Variants in TM4SF5 observed in about 807,000 individuals in gnomAD.
The protein encoded by TM4SF5 is transmembrane 4 L six family member 5.
Under a neutral mutation model 22.3 loss-of-function variants are expected in TM4SF5, and 16 were observed. The observed-to-expected ratio is 0.72, with a 90% confidence interval of 0.49 to 1.09. The LOEUF (loss-of-function observed/expected upper bound fraction) is 1.09. TM4SF5 is among the 50% of genes least tolerant of loss of function. TM4SF5 has a pLI of 0.00. For missense variants in TM4SF5, 249 were observed against 266.1 expected, an observed-to-expected ratio of 0.94 and a Z score of 0.45; for synonymous variants, 113 against 109.6, an observed-to-expected ratio of 1.03 and a Z score of -0.19.
At chr17:4,782,805 G>GGCGCAC (rs752756371) in intron 3 of TM4SF5, 49 bp from the exon 4 acceptor site, 2 of 1,584,460 alleles carry the variant, frequency 1.3e-6, no homozygotes, top group Non-Finnish European at 1.7e-6. Flanking sequence ...GGGGCGGGGT[G>GGCGCAC]GCGCACGCGC....
At chr17:4,782,441 T>TGAGCGTC in intron 2 of TM4SF5, 62 bp from the exon 3 acceptor site, 1 of 1,597,576 alleles carries the variant, frequency 6.3e-7, no homozygotes, top group South Asian at 1.1e-5. Flanking sequence ...GGGCTGGCGC[T>TGAGCGTC]GAGCGTCGTC....
At chr17:4,775,314 A>T (rs1917185251) in intron 1 of TM4SF5, among the ~76,000 whole-genome samples, 2 of 151,030 alleles carry the variant, frequency 1.3e-5, no homozygotes, top group African/African-American at 4.9e-5. Context: ...GCTGCAGTGC[A>T]GTGGTGCGAT....
intron 1 of TM4SF5, among the ~76,000 whole-genome samples, chr17:4,774,180 C>A (rs4790705): frequency 0.1 from 15,301 of 152,214 alleles, 1,028 homozygotes; most frequent in Non-Finnish European, 0.14. Context: ...CCATTGTGCT[C>A]CAGCCTGGGC....
intron 1 of TM4SF5, among the ~76,000 whole-genome samples, chr17:4,777,128 CAG>C (rs1917222285): frequency 6.7e-6 from 1 of 149,020 alleles, no homozygotes; most frequent in Non-Finnish European, 1.5e-5. Flanking sequence ...ACCCAGCAGA[CAG>C]AGGTTACAGT....
chr17:4,775,654 G>A (rs1917191064), intron 1 of TM4SF5, among the ~76,000 whole-genome samples: 1 of 152,018 alleles, frequency 6.6e-6, no homozygotes, highest in Admixed American at 6.6e-5. Context: ...TTAGTACACA[G>A]CTCAACAAAC....
intron 1 of TM4SF5, 49 bp from the exon 2 acceptor site, chr17:4,780,740 C>T: frequency 6.6e-7 from 1 of 1,522,482 alleles, no homozygotes; most frequent in Non-Finnish European, 9.0e-7. Flanking sequence ...GCAAGTCAGG[C>T]CTGGAGGATC....
intron 1 of TM4SF5, 110 bp from the exon 2 acceptor site, chr17:4,780,679 C>G: frequency 1.3e-6 from 1 of 775,734 alleles, no homozygotes; most frequent in Admixed American, 3.0e-5. Context: ...TTCTACAGTC[C>G]AAAGGGCTGA....
At chr17:4,775,476 G>A (rs1203952861) in intron 1 of TM4SF5, among the ~76,000 whole-genome samples, 1 of 151,708 alleles carries the variant, frequency 6.6e-6, no homozygotes, top group Non-Finnish European at 1.5e-5. Flanking sequence ...GTGTTAGCCA[G>A]GATGGTCTCG....
At chr17:4,773,839 C>T (rs1018184943) in intron 1 of TM4SF5, among the ~76,000 whole-genome samples, 2 of 152,178 alleles carry the variant, frequency 1.3e-5, no homozygotes, top group African/African-American at 4.8e-5. Flanking sequence ...CAGCTTGCTT[C>T]AGCGGAGCTC....
intron 1 of TM4SF5, among the ~76,000 whole-genome samples, chr17:4,778,629 C>T (rs907476634): frequency 7.9e-5 from 12 of 151,796 alleles, no homozygotes; most frequent in Non-Finnish European, 1.6e-4. Context: ...CACACACACA[C>T]GAAAGCAAGA....
chr17:4,780,763 C>T (rs201605620), intron 1 of TM4SF5, 26 bp from the exon 2 acceptor site: 3 of 1,592,854 alleles, frequency 1.9e-6, no homozygotes, highest in Admixed American at 1.7e-5. Flanking sequence ...GGGGGACGTG[C>T]TATAACAATG....
intron 1 of TM4SF5, among the ~76,000 whole-genome samples, chr17:4,776,592 G>A (rs1406686153): frequency 6.6e-6 from 1 of 152,166 alleles, no homozygotes. Context: ...ATAAGCCACT[G>A]TGCCCGGCCC....
chr17:4,772,201 G>C (rs755819576), intron 1 of TM4SF5, 102 bp downstream of exon 1: 35 of 1,454,310 alleles, frequency 2.4e-5, no homozygotes, highest in Non-Finnish European at 3.3e-5. Flanking sequence ...GGTTGCTTGG[G>C]AGAGGATGGC....
chr17:4,776,912 A>T (rs898464741), intron 1 of TM4SF5, among the ~76,000 whole-genome samples: 1 of 152,182 alleles, frequency 6.6e-6, no homozygotes, highest in African/African-American at 2.4e-5. Flanking sequence ...GAAAAAGACC[A>T]AACTGAGCTG....
intron 1 of TM4SF5, 34 bp from the exon 2 acceptor site, chr17:4,780,755 G>T: frequency 3.2e-6 from 5 of 1,576,678 alleles, no homozygotes; most frequent in Admixed American, 1.8e-5. Context: ...AGGATCTGGG[G>T]GGACGTGCTA....
rs1382446049 is a variant in TM4SF5 at position 4,782,998 on chromosome 17, G to A, written c.540G>A (p.Ala180=). The A allele has an allele frequency of 3.7e-6, 6 of 1,614,208 alleles. No homozygotes were observed. Among genetic ancestry groups the A allele is most frequent in the Middle Eastern group, 3.3e-4 (2 of 6,062 alleles). The change falls in exon 4 of 5, where the codon GCG becomes GCA. Residue 180 remains alanine (A), a synonymous_variant. Coordinates refer to ENST00000270560, the MANE Select transcript of TM4SF5 (RefSeq NM_003963.3). ...IVLCGIQLVN[A]TIGVFCGDCR... is the part of the protein sequence containing the mutation. ...TGTGTGGGATCCAGCTGGTGAACGCGACCATTGGTGTCTTCTGCGGCGATT... is the reference window on the plus strand; with the variant it reads ...TGTGTGGGATCCAGCTGGTGAACGCAACCATTGGTGTCTTCTGCGGCGATT...
chr17:4,780,751 T>TG (rs1400467961), intron 1 of TM4SF5, 38 bp from the exon 2 acceptor site: 4 of 1,567,078 alleles, frequency 2.6e-6, no homozygotes, highest in Admixed American at 1.8e-5. Flanking sequence ...CTGGAGGATC[T>TG]GGGGGGACGT....
At chr17:4,780,227 G>A (rs887677569) in intron 1 of TM4SF5, among the ~76,000 whole-genome samples, 3 of 151,876 alleles carry the variant, frequency 2.0e-5, no homozygotes, top group African/African-American at 4.8e-5. Flanking sequence ...GGCTAATTTT[G>A]TATTTTTAGC....
At chr17:4,775,115 T>A (rs73973633) in intron 1 of TM4SF5, among the ~76,000 whole-genome samples, 1 of 152,128 alleles carries the variant, frequency 6.6e-6, no homozygotes, top group African/African-American at 2.4e-5. Flanking sequence ...TCTACACTTC[T>A]GAGGATCAGA....
Sources: gnomAD v4.1 joint callset for allele counts (sites outside exome capture counted in the v4.1 genomes callset) on GRCh38, gnomAD v4.1.1 for gene constraint, MANE v1.5 for transcripts, NCBI Gene and HGNC (gene_info 2026-07-23, HGNC 2026-07-21) for gene names.